The following BCL2L14 variants were observed in gnomAD, a reference collection of about 807,000 sequenced individuals.
BCL2L14 encodes apoptosis facilitator Bcl-2-like protein 14.
In BCL2L14, 27 loss-of-function variants were observed where a neutral mutation model predicts 35.3. The observed-to-expected ratio is 0.76, with a 90% CI of 0.56 to 1.05. The LOEUF (loss-of-function observed/expected upper bound fraction) is 1.05, where lower values mean the gene tolerates loss of function less well. Ranked by LOEUF, BCL2L14 falls within the 50% of genes least tolerant of loss-of-function variation. BCL2L14 has a pLI of 0.00. For synonymous variants in BCL2L14, 139 were observed against 145.9 expected (o/e 0.95, Z 0.34); for missense variants, 377 against 382.6 (o/e 0.99, Z 0.12).
At chr12:12,096,641 T>C (rs571242387) in intron 5 of BCL2L14, among the ~76,000 whole-genome samples, 1 of 152,338 alleles carries the variant, frequency 6.6e-6, no homozygotes, top group African/African-American at 2.4e-5. Context: ...AGACGCTTGT[T>C]TGACATCTTC....
chr12:12,072,731 A>G (rs1948693689), intron 1 of BCL2L14, among the ~76,000 whole-genome samples: 1 of 152,210 alleles, frequency 6.6e-6, no homozygotes, highest in African/African-American at 2.4e-5. Flanking sequence ...CAATTTCTGT[A>G]GGAAGAGCTG....
intron 2 of BCL2L14, among the ~76,000 whole-genome samples, chr12:12,060,276 T>C (rs953211200): frequency 4.7e-5 from 7 of 148,606 alleles, no homozygotes; most frequent in Non-Finnish European, 1.0e-4. Flanking sequence ...CCTTTTTCTT[T>C]ATCCCAAATC....
At chr12:12,058,803 A>T (rs1215170489) in intron 2 of BCL2L14, among the ~76,000 whole-genome samples, 3 of 152,296 alleles carry the variant, frequency 2.0e-5, no homozygotes, top group African/African-American at 7.2e-5. Flanking sequence ...CATGACTCAG[A>T]TGGGGGACCT....
At position 12,098,960 on chromosome 12, in the gene BCL2L14, T is replaced by C. The variant is rs1356177885; in HGVS notation, c.956T>C (p.Leu319Pro). The C allele has an allele frequency of 1.3e-6, 2 of 1,596,862 alleles. No individual in the cohort carries two copies. Among genetic ancestry groups the C allele is most frequent in the Non-Finnish European group, 1.7e-6 (2 of 1,164,208 alleles). ...ATTTTTCCCCTCTAGGAAAAAATAC[T>C]TGGGATATCACATGAAGAAGTAGAC... ...IQQHGGWEKI[L>P]GISHEEVD Residue 319 changes from leucine to proline, a missense_variant, in exon 6 of 6, where the codon CTT (leucine) becomes CCT (proline). Physicochemically the swap from Leu to Pro is moderately conservative, Grantham distance 98 (BLOSUM62 -3). Coordinates refer to ENST00000308721, the MANE Select transcript of BCL2L14 (RefSeq NM_138723.2).
At chr12:12,096,001 A>G (rs577524217) in intron 5 of BCL2L14, 28 of 985,404 alleles carry the variant, frequency 2.8e-5, no homozygotes, top group Middle Eastern at 5.2e-4. Flanking sequence ...GTTCCTCAAC[A>G]TTATTTTAGT....
At chr12:12,080,252 G>C (rs1460484746) in intron 2 of BCL2L14, among the ~76,000 whole-genome samples, 1 of 151,724 alleles carries the variant, frequency 6.6e-6, no homozygotes, top group Non-Finnish European at 1.5e-5. Context: ...AGGGTGCTGG[G>C]ACTGGTTTTC....
chr12:12,096,059 G>A, intron 5 of BCL2L14: 1 of 985,146 alleles, frequency 1.0e-6, no homozygotes, highest in Non-Finnish European at 1.2e-6. Context: ...CAACCCCCTT[G>A]AGCCCTCATC....
At chr12:12,096,798 A>C (rs938352537) in intron 5 of BCL2L14, among the ~76,000 whole-genome samples, 1 of 152,240 alleles carries the variant, frequency 6.6e-6, no homozygotes, top group Non-Finnish European at 1.5e-5. Context: ...AAAATGGTGC[A>C]GTCCCTTTGG....
chr12:12,066,722 T>TAA (rs1355790228), upstream of BCL2L14, among the ~76,000 whole-genome samples: 5 of 150,316 alleles, frequency 3.3e-5, no homozygotes, highest in Admixed American at 2.6e-4. Flanking sequence ...ATTATTTTTT[T>TAA]TTTTTTTTTT....
At chr12:12,080,032 G>A (rs969107393) in intron 2 of BCL2L14, among the ~76,000 whole-genome samples, 9 of 152,022 alleles carry the variant, frequency 5.9e-5, no homozygotes, top group South Asian at 4.1e-4. Context: ...GTAAAACCCC[G>A]TCTCCACTAA....
upstream of BCL2L14, among the ~76,000 whole-genome samples, chr12:12,066,322 C>G (rs887086321): frequency 6.6e-6 from 1 of 152,214 alleles, no homozygotes; most frequent in East Asian, 1.9e-4. Context: ...TCATTGATAT[C>G]AAAACAAGGA....
At chr12:12,082,375 G>T (rs1948947462) in intron 2 of BCL2L14, among the ~76,000 whole-genome samples, 1 of 152,194 alleles carries the variant, frequency 6.6e-6, no homozygotes, top group East Asian at 1.9e-4. Flanking sequence ...TCTTCTGCCG[G>T]GGGTGGCATC....
At chr12:12,051,953 T>C (rs1433707509) in intron 2 of BCL2L14, 4 of 152,316 alleles carry the variant, frequency 2.6e-5, no homozygotes, top group South Asian at 2.1e-4. Context: ...AGAAGTGGAA[T>C]TGAGTTGGAG....
chr12:12,079,397 C>G lies in BCL2L14; in HGVS notation c.92C>G (p.Thr31Ser). Residue 31 changes from threonine to serine, a missense_variant, in exon 2 of 6, where the codon ACC becomes AGC. Coordinates refer to ENST00000308721, the MANE Select transcript of BCL2L14 (RefSeq NM_138723.2). ...TIEFKILAYYTRHHVFKSTPA... is the reference protein window; with the variant it reads ...TIEFKILAYYSRHHVFKSTPA... ...GAATTCAAAATCCTCGCCTACTACACCAGACATCATGTCTTCAAGAGCACC... is the reference window on the plus strand; with the variant it reads ...GAATTCAAAATCCTCGCCTACTACAGCAGACATCATGTCTTCAAGAGCACC... 2 of 1,614,166 alleles carry G rather than the reference C, an allele frequency of 1.2e-6. No individual in the cohort carries two copies. The highest frequency in any genetic ancestry group is 1.7e-6 in the Non-Finnish European group (2 of 1,180,016).
chr12:12,088,440 G>T (rs1949095591), intron 3 of BCL2L14, among the ~76,000 whole-genome samples: 1 of 152,128 alleles, frequency 6.6e-6, no homozygotes, highest in Non-Finnish European at 1.5e-5. Flanking sequence ...CACGTGGTTG[G>T]AAAGGAAAAG....
At chr12:12,069,179 AGTG>A (rs1332717460), upstream of BCL2L14, among the ~76,000 whole-genome samples, 1 of 152,122 alleles carries the variant, frequency 6.6e-6, no homozygotes, top group Non-Finnish European at 1.5e-5. Context: ...TCATTTTATC[AGTG>A]GTGTCTTTGT....
At chr12:12,094,400 C>A in intron 4 of BCL2L14, 1 of 986,440 alleles carries the variant, frequency 1.0e-6, no homozygotes, top group Non-Finnish European at 1.6e-6. Flanking sequence ...ATTATAAGTG[C>A]TCAGGAAATA....
chr12:12,073,790 G>A (rs1322540680), intron 1 of BCL2L14, among the ~76,000 whole-genome samples: 2 of 152,176 alleles, frequency 1.3e-5, no homozygotes, highest in Non-Finnish European at 2.9e-5. Flanking sequence ...GAGCCACTCT[G>A]TCCAAAAGGA....
At chr12:12,058,073 C>G (rs569935924) in intron 2 of BCL2L14, among the ~76,000 whole-genome samples, 8 of 151,104 alleles carry the variant, frequency 5.3e-5, no homozygotes, top group African/African-American at 1.9e-4. Flanking sequence ...TCGGCCTCCC[C>G]GAGTAGCTGG....
Sources: gnomAD v4.1 joint callset for allele counts (sites outside exome capture counted in the v4.1 genomes callset) on GRCh38, gnomAD v4.1.1 for gene constraint, MANE v1.5 for transcripts, NCBI Gene and HGNC (gene_info 2026-07-23, HGNC 2026-07-21) for gene names.